Variants in SRD5A2 observed in about 807,000 individuals in gnomAD.
The protein encoded by SRD5A2 is steroid 5 alpha-reductase 2, also known as 3-oxo-5-alpha-steroid 4-dehydrogenase 2.
In SRD5A2, 30 loss-of-function variants were observed where a neutral mutation model predicts 27.4. That is an observed-to-expected ratio of 1.10 (90% CI 0.82 to 1.49). The LOEUF is 1.49. Ranked by LOEUF, SRD5A2 falls within the 40% of genes most tolerant of loss-of-function variation. The pLI is 0.00. For missense variants in SRD5A2, 348 were observed against 323.4 expected, an observed-to-expected ratio of 1.08 and a Z score of -0.58; for synonymous variants, 141 against 133.6, an observed-to-expected ratio of 1.06 and a Z score of -0.38.
At chr2:31,580,151 G>A (rs1220471957) in intron 1 of SRD5A2, among the ~76,000 whole-genome samples, 3 of 152,148 alleles carry the variant, frequency 2.0e-5, no homozygotes, top group African/African-American at 2.4e-5. Flanking sequence ...TGCCAAACGC[G>A]TAAGACTCTC....
At chr2:31,645,798 A>G in the SRD5A2 span, among the ~76,000 whole-genome samples, 1 of 152,212 alleles carries the variant, frequency 6.6e-6, no homozygotes, top group African/African-American at 2.4e-5. Flanking sequence ...TGAATGAAAG[A>G]GTAAATGTGC....
At chr2:31,542,558 A>T (rs1305713283) in intron 1 of SRD5A2, among the ~76,000 whole-genome samples, 1 of 152,208 alleles carries the variant, frequency 6.6e-6, no homozygotes, top group Non-Finnish European at 1.5e-5. Flanking sequence ...TGAAGTCAAG[A>T]AAACAATGTA....
chr2:31,537,490 C>G (rs1666049842), intron 1 of SRD5A2, among the ~76,000 whole-genome samples: 1 of 152,268 alleles, frequency 6.6e-6, no homozygotes, highest in Middle Eastern at 3.4e-3. Flanking sequence ...ATCACTCCCT[C>G]TTTCTGGAAA....
At chr2:31,557,337 T>C (rs1315142075) in intron 1 of SRD5A2, among the ~76,000 whole-genome samples, 1 of 152,246 alleles carries the variant, frequency 6.6e-6, no homozygotes, top group Non-Finnish European at 1.5e-5. Flanking sequence ...AATGACATAA[T>C]GACTCCCAGT....
chr2:31,650,538 A>G, the SRD5A2 span, among the ~76,000 whole-genome samples: 1 of 152,160 alleles, frequency 6.6e-6, no homozygotes, highest in Admixed American at 6.5e-5. Flanking sequence ...CATGGTACAA[A>G]TCCTCATTAT....
chr2:31,534,599 AAC>A (rs1487197190), intron 1 of SRD5A2, among the ~76,000 whole-genome samples: 1 of 152,220 alleles, frequency 6.6e-6, no homozygotes, highest in Admixed American at 6.5e-5. Flanking sequence ...CTTACACAAA[AAC>A]ACACACACAT....
intron 1 of SRD5A2, among the ~76,000 whole-genome samples, chr2:31,548,771 C>G (rs1396584321): frequency 6.6e-6 from 1 of 152,096 alleles, no homozygotes; most frequent in Non-Finnish European, 1.5e-5. Flanking sequence ...GGTCTTGAAG[C>G]AATATTTGTG....
chr2:31,624,025 T>C, the SRD5A2 span, among the ~76,000 whole-genome samples: 1 of 152,172 alleles, frequency 6.6e-6, no homozygotes, highest in Non-Finnish European at 1.5e-5. Context: ...TTGAGGATTT[T>C]TGCATCAACA....
upstream of SRD5A2, among the ~76,000 whole-genome samples, chr2:31,582,405 C>T (rs1572376248): frequency 1.3e-5 from 2 of 152,160 alleles, no homozygotes; most frequent in South Asian, 2.1e-4. Context: ...GACCAAGAGT[C>T]GTTTATCATA....
the SRD5A2 span, among the ~76,000 whole-genome samples, chr2:31,604,532 C>A: frequency 6.6e-6 from 1 of 151,452 alleles, no homozygotes; most frequent in Non-Finnish European, 1.5e-5. Context: ...GGAAAAGAAA[C>A]AAAAAATGTA....
the SRD5A2 span, among the ~76,000 whole-genome samples, chr2:31,587,165 G>C: frequency 0.1 from 15,717 of 152,214 alleles, 856 homozygotes; most frequent in Middle Eastern, 0.18. Flanking sequence ...CTGATCATTA[G>C]AGAAACGCAA....
rs572708454 is a variant in SRD5A2, at chr2:31,559,074, C to T, written c.281+21546G>A. 9.2e-5 allele frequency among the ~76,000 whole-genome samples: 14 copies of T among 152,324 alleles called. No individual in the cohort carries two copies. In the East Asian group the frequency reaches 2.7e-3, roughly 29 times the overall value. ...TTGTTTATATGGCTGGGCCCCACCA[C>T]CATGGCCAGATCTCCCCCAGCAGCT... On this transcript the variant is annotated intron_variant, in intron 1 of 4. Coordinates refer to ENST00000622030, the MANE Select transcript of SRD5A2 (RefSeq NM_000348.4).
chr2:31,598,682 T>A, the SRD5A2 span, among the ~76,000 whole-genome samples: 2 of 149,586 alleles, frequency 1.3e-5, no homozygotes, highest in Non-Finnish European at 3.0e-5. Context: ...AAACAAAAAA[T>A]AAAAAAACAA....
chr2:31,591,026 G>T, the SRD5A2 span, among the ~76,000 whole-genome samples: 1 of 152,174 alleles, frequency 6.6e-6, no homozygotes, highest in Non-Finnish European at 1.5e-5. Flanking sequence ...ATAGGCATGG[G>T]CAAGGACTTC....
chr2:31,567,413 C>A (rs77041064), intron 1 of SRD5A2, among the ~76,000 whole-genome samples: 6,628 of 149,406 alleles, frequency 0.044, 331 homozygotes, highest in African/African-American at 0.12. Context: ...TCAACTGAAC[C>A]TATTTAAAGG....
the SRD5A2 span, among the ~76,000 whole-genome samples, chr2:31,615,573 G>A: frequency 2.4e-4 from 37 of 152,276 alleles, no homozygotes; most frequent in African/African-American, 8.4e-4. Flanking sequence ...ACATGACTTG[G>A]TGCTGTTAAA....
intron 1 of SRD5A2, among the ~76,000 whole-genome samples, chr2:31,554,336 C>T (rs1345062411): frequency 6.6e-6 from 1 of 152,172 alleles, no homozygotes; most frequent in Non-Finnish European, 1.5e-5. Flanking sequence ...TTAATCAATT[C>T]ATAATCAGAT....
chr2:31,655,364 G>C, the SRD5A2 span, among the ~76,000 whole-genome samples: 1 of 152,202 alleles, frequency 6.6e-6, no homozygotes, highest in African/African-American at 2.4e-5. Context: ...GCCTCCCAAA[G>C]TGCTGGGACT....
intron 1 of SRD5A2, among the ~76,000 whole-genome samples, chr2:31,565,739 A>T (rs1488881467): frequency 6.6e-6 from 1 of 152,010 alleles, no homozygotes. Context: ...TAAGAAAAAA[A>T]AGCAAGTCTA....
Sources: allele counts gnomAD v4.1 joint callset (sites outside exome capture counted in the v4.1 genomes callset), GRCh38; gene constraint gnomAD v4.1.1; transcripts MANE v1.5; gene names NCBI Gene and HGNC (gene_info 2026-07-23, HGNC 2026-07-21).